The following DYM variants were observed in gnomAD, a reference collection of about 807,000 sequenced individuals.
DYM encodes dymeclin.
Under a neutral mutation model 93.1 loss-of-function variants are expected in DYM, and 78 were observed. The ratio of observed to expected loss-of-function variants is 0.84; its 90% CI spans 0.70 to 1.01. The LOEUF (loss-of-function observed/expected upper bound fraction) is 1.01. DYM is among the 50% of genes least tolerant of loss of function. The pLI is 0.00. For missense variants in DYM, 789 were observed against 845.0 expected, an observed-to-expected ratio of 0.93 and a Z score of 0.82; for synonymous variants, 321 against 319.7, an observed-to-expected ratio of 1.00 and a Z score of -0.04.
chr18:49,055,107 T>C (rs2075360341), intron 17 of DYM, among the ~76,000 whole-genome samples: 1 of 152,104 alleles, frequency 6.6e-6, no homozygotes, highest in Admixed American at 6.5e-5. Context: ...TCCTGCTGCC[T>C]TGGTGTGTGG....
chr18:49,211,588 C>A (rs774342259), intron 13 of DYM, among the ~76,000 whole-genome samples: 1 of 152,160 alleles, frequency 6.6e-6, no homozygotes, highest in African/African-American at 2.4e-5. Context: ...CACAAACGAA[C>A]AATCCATTCA....
At chr18:49,425,944 G>A (rs2074242233) in intron 2 of DYM, among the ~76,000 whole-genome samples, 1 of 151,976 alleles carries the variant, frequency 6.6e-6, no homozygotes. Context: ...TTACACTGTT[G>A]GTGGGACTGT....
chr18:49,311,055 C>G (rs574443306), intron 8 of DYM, among the ~76,000 whole-genome samples: 1 of 152,238 alleles, frequency 6.6e-6, no homozygotes, highest in African/African-American at 2.4e-5. Context: ...CCACTTGGAA[C>G]ACATAAATTC....
chr18:49,286,359 A>G, intron 9 of DYM, 75 bp downstream of exon 9: 4 of 1,537,326 alleles, frequency 2.6e-6, no homozygotes, highest in East Asian at 2.2e-5. Context: ...CTCCAAAACT[A>G]TAAGACAATA....
intron 8 of DYM, among the ~76,000 whole-genome samples, chr18:49,316,274 G>A (rs1328667232): frequency 6.6e-6 from 1 of 151,930 alleles, no homozygotes; most frequent in Non-Finnish European, 1.5e-5. Flanking sequence ...AGAGTGAGAC[G>A]CAGTCACACA....
intron 2 of DYM, among the ~76,000 whole-genome samples, chr18:49,420,597 A>G (rs1436634703): frequency 1.3e-5 from 2 of 152,156 alleles, no homozygotes; most frequent in Admixed American, 1.3e-4. Flanking sequence ...CATGAGCAAC[A>G]CAGAAGACGG....
At chr18:49,057,329 C>G (rs2075588418) in intron 17 of DYM, among the ~76,000 whole-genome samples, 1 of 152,252 alleles carries the variant, frequency 6.6e-6, no homozygotes, top group East Asian at 1.9e-4. Flanking sequence ...GACTTCACCT[C>G]TGCAGACTGC....
At chr18:49,373,700 T>C (rs1282286063) in intron 5 of DYM, among the ~76,000 whole-genome samples, 1 of 152,200 alleles carries the variant, frequency 6.6e-6, no homozygotes, top group Non-Finnish European at 1.5e-5. Flanking sequence ...GTTGTTCTGG[T>C]TCCCATGCCT....
intron 2 of DYM, among the ~76,000 whole-genome samples, chr18:49,426,169 G>A (rs971634992): frequency 1.3e-5 from 2 of 152,058 alleles, no homozygotes; most frequent in Non-Finnish European, 2.9e-5. Context: ...ATGATAGACT[G>A]GATTAAGAAA....
intron 13 of DYM, among the ~76,000 whole-genome samples, chr18:49,212,381 A>G (rs189323479): frequency 6.6e-6 from 1 of 152,236 alleles, no homozygotes; most frequent in Non-Finnish European, 1.5e-5. Context: ...CTGTAAACTT[A>G]TTCTCAACCA....
At chr18:49,190,665 T>C (rs886274153) in intron 14 of DYM, among the ~76,000 whole-genome samples, 1 of 152,216 alleles carries the variant, frequency 6.6e-6, no homozygotes, top group Non-Finnish European at 1.5e-5. Flanking sequence ...GTATAAATGT[T>C]ACCTGTATAA....
intron 14 of DYM, among the ~76,000 whole-genome samples, chr18:49,176,920 G>A (rs550124806): frequency 6.6e-6 from 1 of 151,976 alleles, no homozygotes; most frequent in South Asian, 2.1e-4. Flanking sequence ...TAAAGATATC[G>A]ATCTTATTAG....
At chr18:49,210,444 A>G (rs2092726651) in intron 13 of DYM, among the ~76,000 whole-genome samples, 1 of 152,228 alleles carries the variant, frequency 6.6e-6, no homozygotes, top group South Asian at 2.1e-4. Context: ...GAAAGCCACC[A>G]ATCTGCAAAG....
At chr18:49,138,011 G>A (rs780579607) in intron 15 of DYM, among the ~76,000 whole-genome samples, 1 of 152,156 alleles carries the variant, frequency 6.6e-6, no homozygotes, top group Non-Finnish European at 1.5e-5. Flanking sequence ...ATAGGAAAAT[G>A]GTAGTATAAA....
At chr18:49,303,638 G>A (rs1342466272) in intron 8 of DYM, among the ~76,000 whole-genome samples, 1 of 152,110 alleles carries the variant, frequency 6.6e-6, no homozygotes, top group Non-Finnish European at 1.5e-5. Flanking sequence ...GAGAGGGCAG[G>A]CTCTGAGGTA....
At chr18:49,450,086 A>T (rs1466869850) in intron 1 of DYM, among the ~76,000 whole-genome samples, 1 of 152,268 alleles carries the variant, frequency 6.6e-6, no homozygotes. Flanking sequence ...TCTTAAATTT[A>T]ATAAGACAGA....
chr18:49,275,127 C>A (rs528306), intron 10 of DYM, among the ~76,000 whole-genome samples: 3 of 151,824 alleles, frequency 2.0e-5, no homozygotes, highest in African/African-American at 7.3e-5. Flanking sequence ...GGTCTTTGAC[C>A]CATTTTGAAT....
intron 13 of DYM, among the ~76,000 whole-genome samples, chr18:49,230,629 CCAAA>C (rs2093667449): frequency 1.3e-5 from 2 of 152,144 alleles, no homozygotes; most frequent in South Asian, 2.1e-4. Flanking sequence ...TATATTGGCC[CCAAA>C]CAAACAAAAG....
At chr18:49,366,268 T>A (rs1948441000) in intron 5 of DYM, among the ~76,000 whole-genome samples, 1 of 152,198 alleles carries the variant, frequency 6.6e-6, no homozygotes, top group Non-Finnish European at 1.5e-5. Context: ...AGGCCAAATA[T>A]CTTCCTTAGT....
Sources: allele counts gnomAD v4.1 joint callset (sites outside exome capture counted in the v4.1 genomes callset), GRCh38; gene constraint gnomAD v4.1.1; transcripts MANE v1.5; gene names NCBI Gene and HGNC (gene_info 2026-07-23, HGNC 2026-07-21).